The following RGS6 variants were observed in gnomAD, a reference collection of about 807,000 sequenced individuals.
The protein encoded by RGS6 is regulator of G protein signaling 6, also known as regulator of G-protein signaling 6.
Under a neutral mutation model 78.5 loss-of-function variants are expected in RGS6, and 30 were observed. The observed-to-expected ratio is 0.38, with a 90% confidence interval of 0.29 to 0.52. RGS6 has a LOEUF of 0.52. Ranked by LOEUF, RGS6 falls within the 20% of genes least tolerant of loss-of-function variation. The pLI is 0.85. For synonymous variants in RGS6, 206 were observed against 206.0 expected, an observed-to-expected ratio of 1.00 and a Z score of 0.00; for missense variants, 495 against 609.7, an observed-to-expected ratio of 0.81 and a Z score of 1.98.
chr14:72,284,281 C>T (rs1358056924), intron 2 of RGS6, among the ~76,000 whole-genome samples: 1 of 152,156 alleles, frequency 6.6e-6, no homozygotes, highest in Non-Finnish European at 1.5e-5. Flanking sequence ...ATCACCAAGG[C>T]AATGGGGAAA....
At chr14:72,573,775 C>T in the RGS6 span, among the ~76,000 whole-genome samples, 14 of 152,116 alleles carry the variant, frequency 9.2e-5, no homozygotes, top group Non-Finnish European at 8.8e-5. Context: ...TCTGCAGCAA[C>T]CAATCCTGGG....
At chr14:72,619,751 G>T in the RGS6 span, among the ~76,000 whole-genome samples, 14 of 152,154 alleles carry the variant, frequency 9.2e-5, no homozygotes, top group Admixed American at 4.6e-4. Flanking sequence ...GGCAGTCGTC[G>T]TACCTACCTT....
intron 2 of RGS6, among the ~76,000 whole-genome samples, chr14:72,127,767 AAGATAC>A (rs2096234488): frequency 6.6e-6 from 1 of 152,194 alleles, no homozygotes; most frequent in African/African-American, 2.4e-5. Flanking sequence ...TTTTATAGTT[AAGATAC>A]AGGACAGTTC....
chr14:71,912,907 G>A, the RGS6 span, among the ~76,000 whole-genome samples: 1 of 151,838 alleles, frequency 6.6e-6, no homozygotes, highest in Admixed American at 6.6e-5. Flanking sequence ...CTCACTGCAA[G>A]CTCTGACTCC....
chr14:72,237,937 AG>A (rs1316421810), intron 2 of RGS6, among the ~76,000 whole-genome samples: 2 of 142,614 alleles, frequency 1.4e-5, no homozygotes, highest in East Asian at 4.1e-4. Flanking sequence ...TCAGGGTGAC[AG>A]GCCTTTACAC....
chr14:72,004,960 A>T (rs2084229087), intron 2 of RGS6, among the ~76,000 whole-genome samples: 1 of 152,258 alleles, frequency 6.6e-6, no homozygotes, highest in South Asian at 2.1e-4. Flanking sequence ...GTAGATAAAA[A>T]TTCATAAAAA....
At chr14:71,955,128 G>A (rs1247875204) in intron 1 of RGS6, among the ~76,000 whole-genome samples, 1 of 152,034 alleles carries the variant, frequency 6.6e-6, no homozygotes, top group East Asian at 1.9e-4. Flanking sequence ...TCCCCCCAAG[G>A]GTCCTTGTTT....
At chr14:72,405,593 A>G (rs923498838) in intron 3 of RGS6, among the ~76,000 whole-genome samples, 10 of 152,198 alleles carry the variant, frequency 6.6e-5, no homozygotes, top group Admixed American at 2.0e-4. Flanking sequence ...ACATGATGAC[A>G]TATATAATCT....
chr14:72,005,441 C>CTATCTATCTATCTATT (rs1163206884), intron 2 of RGS6, among the ~76,000 whole-genome samples: 1 of 132,680 alleles, frequency 7.5e-6, no homozygotes, highest in African/African-American at 2.6e-5. Context: ...CTGCATATCT[C>CTATCTATCTATCTATT]TATCTATCTA....
the RGS6 span, among the ~76,000 whole-genome samples, chr14:72,591,676 C>T: frequency 6.6e-6 from 1 of 152,184 alleles, no homozygotes; most frequent in Non-Finnish European, 1.5e-5. Context: ...GTGACCTGCA[C>T]AAGAGACTGT....
rs115228859 is a variant in RGS6 at position 71,949,609 on chromosome 14, G to T, written c.-20-15163G>T. Among the ~76,000 whole-genome samples the T allele has an allele frequency of 4.5e-3, 688 of 151,598 alleles. 8 individuals carry two copies. The highest frequency in any genetic ancestry group is 0.016 in the African/African-American group (652 of 41,314). On this transcript the variant is annotated intron_variant, in intron 1 of 17. Transcript: ENST00000553525. ...ATATGTATTTAAAATATCTTTTCCC[G>T]GCTCTAGTGGTTTGCCTTTCACTCT... is the stretch of plus-strand genomic sequence containing the variant.
At chr14:72,038,054 C>T (rs1326770682) in intron 2 of RGS6, among the ~76,000 whole-genome samples, 2 of 151,828 alleles carry the variant, frequency 1.3e-5, no homozygotes, top group Non-Finnish European at 2.9e-5. Flanking sequence ...ACTGCAACCT[C>T]TGCCTCCCAG....
intron 1 of RGS6, among the ~76,000 whole-genome samples, chr14:71,948,335 G>A (rs749337375): frequency 1.2e-4 from 19 of 152,080 alleles, no homozygotes; most frequent in Non-Finnish European, 2.4e-4. Context: ...GGCATACTCT[G>A]GCCAGGACAG....
chr14:72,035,439 T>C (rs1211160993), intron 2 of RGS6, among the ~76,000 whole-genome samples: 2 of 152,188 alleles, frequency 1.3e-5, no homozygotes, highest in Non-Finnish European at 2.9e-5. Context: ...TTTGTTGTTT[T>C]TTTCTATTAT....
chr14:72,568,369 G>C (rs1350618786), downstream of RGS6, among the ~76,000 whole-genome samples: 2 of 152,220 alleles, frequency 1.3e-5, no homozygotes, highest in Non-Finnish European at 2.9e-5. Context: ...TCTGAGATAG[G>C]CATTGAAAGG....
At chr14:72,136,912 C>T (rs767522948) in intron 2 of RGS6, among the ~76,000 whole-genome samples, 1 of 152,134 alleles carries the variant, frequency 6.6e-6, no homozygotes, top group Admixed American at 6.6e-5. Context: ...AATTTGAGAA[C>T]CTACTCCCTG....
At chr14:72,420,803 A>C (rs2094133489) in intron 3 of RGS6, among the ~76,000 whole-genome samples, 1 of 152,238 alleles carries the variant, frequency 6.6e-6, no homozygotes, top group Admixed American at 6.5e-5. Flanking sequence ...GAAATTAAGC[A>C]GTATTCAGAA....
chr14:72,336,352 T>C (rs1215403079), intron 2 of RGS6, among the ~76,000 whole-genome samples: 1 of 152,158 alleles, frequency 6.6e-6, no homozygotes, highest in African/African-American at 2.4e-5. Flanking sequence ...TTCATTCTTA[T>C]CCCCTAACAT....
chr14:72,112,396 T>A (rs921666256), intron 2 of RGS6, among the ~76,000 whole-genome samples: 2 of 152,186 alleles, frequency 1.3e-5, no homozygotes, highest in African/African-American at 4.8e-5. Context: ...GATTAAGAGA[T>A]GCAACGCTAT....
Sources: gnomAD v4.1 joint callset for allele counts (sites outside exome capture counted in the v4.1 genomes callset) on GRCh38, gnomAD v4.1.1 for gene constraint, MANE v1.5 for transcripts, NCBI Gene and HGNC (gene_info 2026-07-23, HGNC 2026-07-21) for gene names.